Variants in TTBK2 observed in about 807,000 individuals in gnomAD.
TTBK2 encodes tau-tubulin kinase 2.
TTBK2 carries 28 observed loss-of-function variants against 110.8 expected under a neutral mutation model. That is an observed-to-expected ratio of 0.25 (90% CI 0.19 to 0.35). TTBK2 has a LOEUF of 0.35. Ranked by LOEUF, TTBK2 falls within the 10% of genes least tolerant of loss-of-function variation. The pLI, the probability that TTBK2 is intolerant of heterozygous loss-of-function variation, is 1.00. For synonymous variants in TTBK2, 532 were observed against 527.3 expected, an observed-to-expected ratio of 1.01 and a Z score of -0.12; for missense variants, 1,369 against 1,500.3, an observed-to-expected ratio of 0.91 and a Z score of 1.45.
At chr15:42,865,589 G>A (rs1227189189) in intron 3 of TTBK2, among the ~76,000 whole-genome samples, 2 of 151,672 alleles carry the variant, frequency 1.3e-5, no homozygotes, top group African/African-American at 2.4e-5. Context: ...TTGTGAGGCT[G>A]AGGCAGGAGG....
chr15:42,911,330 T>G (rs777827660), intron 1 of TTBK2, among the ~76,000 whole-genome samples: 3 of 151,956 alleles, frequency 2.0e-5, no homozygotes, highest in Admixed American at 6.6e-5. Context: ...TGCTGGGCAC[T>G]GTGGCACATG....
chr15:42,906,631 T>C (rs1407249419), intron 1 of TTBK2, among the ~76,000 whole-genome samples: 1 of 152,158 alleles, frequency 6.6e-6, no homozygotes, highest in African/African-American at 2.4e-5. Context: ...AAAGATTTCT[T>C]GTGTAAAATC....
chr15:42,775,046 T>G, intron 13 of TTBK2, 89 bp downstream of exon 13: 16 of 1,412,908 alleles, frequency 1.1e-5, no homozygotes, highest in Non-Finnish European at 1.6e-5. Flanking sequence ...AGGCCTGTAC[T>G]GAAGTATCTT....
At chr15:42,863,277 G>T (rs952778122) in intron 3 of TTBK2, among the ~76,000 whole-genome samples, 1 of 152,038 alleles carries the variant, frequency 6.6e-6, no homozygotes, top group Non-Finnish European at 1.5e-5. Context: ...TAATGTTCTT[G>T]CTGAGAGTCA....
intron 1 of TTBK2, among the ~76,000 whole-genome samples, chr15:42,881,797 G>A (rs1895060389): frequency 6.6e-6 from 1 of 152,032 alleles, no homozygotes; most frequent in South Asian, 2.1e-4. Flanking sequence ...CTTGAACCCA[G>A]GAGGTGGAGG....
At chr15:42,901,340 C>G (rs920142192) in intron 1 of TTBK2, among the ~76,000 whole-genome samples, 1 of 149,890 alleles carries the variant, frequency 6.7e-6, no homozygotes, top group African/African-American at 2.5e-5. Flanking sequence ...CCAGCCTGGG[C>G]GACAGAGCAA....
chr15:42,908,960 T>A (rs1474362541), intron 1 of TTBK2, among the ~76,000 whole-genome samples: 1 of 152,202 alleles, frequency 6.6e-6, no homozygotes, highest in East Asian at 1.9e-4. Flanking sequence ...CTGTAACAAA[T>A]ATGACAAATT....
intron 1 of TTBK2, among the ~76,000 whole-genome samples, chr15:42,890,749 C>T (rs1895423154): frequency 6.6e-6 from 1 of 152,190 alleles, no homozygotes; most frequent in African/African-American, 2.4e-5. Context: ...CACCTGAAAG[C>T]ATATGACTAC....
At chr15:42,892,920 GA>G (rs1418132272) in intron 1 of TTBK2, among the ~76,000 whole-genome samples, 2 of 149,056 alleles carry the variant, frequency 1.3e-5, no homozygotes, top group African/African-American at 5.0e-5. Flanking sequence ...TGAGGCAGGA[GA>G]AATCTCTGGA....
intron 10 of TTBK2, among the ~76,000 whole-genome samples, chr15:42,788,751 T>G (rs1890514828): frequency 6.6e-6 from 1 of 152,136 alleles, no homozygotes; most frequent in South Asian, 2.1e-4. Context: ...TCTTTCTTAC[T>G]TTTTTTAGGT....
chr15:42,824,719 A>G (rs1481553824), intron 6 of TTBK2, among the ~76,000 whole-genome samples: 1 of 152,014 alleles, frequency 6.6e-6, no homozygotes, highest in African/African-American at 2.4e-5. Context: ...CTACTTCAGG[A>G]TGGAGGGTGG....
At chr15:42,750,260 A>T (rs1049822901) in intron 14 of TTBK2, among the ~76,000 whole-genome samples, 1 of 152,206 alleles carries the variant, frequency 6.6e-6, no homozygotes, top group Admixed American at 6.5e-5. Context: ...AAATGTATCA[A>T]CAGAAATTGT....
At chr15:42,883,794 A>T (rs980721133) in intron 1 of TTBK2, among the ~76,000 whole-genome samples, 1 of 152,266 alleles carries the variant, frequency 6.6e-6, no homozygotes, top group Admixed American at 6.5e-5. Context: ...AAAGACAGAG[A>T]TTAGCAGGAT....
At chr15:42,803,031 G>C (rs1446461332) in intron 9 of TTBK2, among the ~76,000 whole-genome samples, 1 of 152,168 alleles carries the variant, frequency 6.6e-6, no homozygotes, top group African/African-American at 2.4e-5. Flanking sequence ...GGCTCTCCCT[G>C]CTCCTCAGCC....
intron 10 of TTBK2, among the ~76,000 whole-genome samples, chr15:42,784,196 A>G (rs1026877533): frequency 6.6e-6 from 1 of 152,246 alleles, no homozygotes; most frequent in African/African-American, 2.4e-5. Context: ...ATCTAAAACA[A>G]TAACACCCTA....
chr15:42,815,657 T>TAA (rs1216078087), intron 7 of TTBK2, among the ~76,000 whole-genome samples: 2 of 151,514 alleles, frequency 1.3e-5, no homozygotes, highest in Admixed American at 1.3e-4. Flanking sequence ...GATAATTTAC[T>TAA]AAAACAAACA....
At position 42,752,997 on chromosome 15, in the gene TTBK2, T is replaced by G. The variant is rs746274645; in HGVS notation, c.2249A>C (p.Lys750Thr). 8 of 1,614,204 alleles carry G rather than the reference T, an allele frequency of 5.0e-6. No homozygotes were observed. Among genetic ancestry groups the G allele is most frequent in the Non-Finnish European group, 5.9e-6 (7 of 1,180,030 alleles). Residue 750 changes from lysine (K) to threonine (T), a missense_variant, in exon 14 of 15, where the codon AAA becomes ACA. By Grantham distance (78) the Lys-to-Thr change is moderately conservative. This residue lies in a region of TTBK2 where 1,097 missense variants were observed against 1,114.7 expected (regional missense o/e 0.98). Coordinates refer to ENST00000267890, the MANE Select transcript of TTBK2 (RefSeq NM_173500.4). ...DMLPNIRESN[K>T]SQDLGPKELP... The stretch of plus-strand genomic sequence containing the variant: ...TTCTTTTGGTCCCAGGTCTTGAGAT[T>G]TGTTACTTTCTCTAATGTTGGGTAA...
At chr15:42,767,941 T>C (rs553830501) in intron 13 of TTBK2, among the ~76,000 whole-genome samples, 1 of 152,362 alleles carries the variant, frequency 6.6e-6, no homozygotes, top group South Asian at 2.1e-4. Flanking sequence ...ATCCCTGGGA[T>C]GTAATGCTGG....
chr15:42,755,011 G>A (rs1460206618), intron 13 of TTBK2, among the ~76,000 whole-genome samples: 51 of 69,806 alleles, frequency 7.3e-4, no homozygotes, highest in Admixed American at 1.1e-3. Flanking sequence ...TCCATCTCAG[G>A]AAAAAAAAAA....
Sources: gnomAD v4.1 joint callset for allele counts (sites outside exome capture counted in the v4.1 genomes callset) on GRCh38, gnomAD v4.1.1 for gene constraint, gnomAD v4.1.1 regional missense constraint, MANE v1.5 for transcripts, NCBI Gene and HGNC (gene_info 2026-07-23, HGNC 2026-07-21) for gene names.